Variants in FHIT observed in about 807,000 individuals in gnomAD.
FHIT encodes bis(5'-adenosyl)-triphosphatase.
In FHIT, 19 loss-of-function variants were observed where a neutral mutation model predicts 17.9. The ratio of observed to expected loss-of-function variants is 1.06; its 90% CI spans 0.74 to 1.56. The LOEUF (loss-of-function observed/expected upper bound fraction) is 1.56, where lower values mean the gene tolerates loss of function less well. Among genes scored for constraint, FHIT ranks in the 40% most tolerant of loss-of-function variants. FHIT has a pLI of 0.00. For synonymous variants in FHIT, 81 were observed against 69.7 expected (o/e 1.16, Z -0.81); for missense variants, 248 against 189.2 (o/e 1.31, Z -1.82).
chr3:61,205,711 G>C (rs199686488), intron 1 of FHIT, among the ~76,000 whole-genome samples: 4 of 152,160 alleles, frequency 2.6e-5, no homozygotes, highest in South Asian at 2.1e-4. Flanking sequence ...GTAGATTCGG[G>C]ATATTAGCCC....
At chr3:60,438,058 T>C (rs1043177040) in intron 5 of FHIT, among the ~76,000 whole-genome samples, 2 of 151,982 alleles carry the variant, frequency 1.3e-5, no homozygotes, top group African/African-American at 2.4e-5. Flanking sequence ...GCAGGATAAG[T>C]AGTCAAGGAA....
intron 3 of FHIT, among the ~76,000 whole-genome samples, chr3:60,878,638 C>T (rs1391418783): frequency 7.9e-5 from 12 of 152,140 alleles, no homozygotes; most frequent in African/African-American, 2.2e-4. Flanking sequence ...TATCCCTCCC[C>T]CTGCCCCCAC....
At chr3:61,223,065 A>C (rs1270558823) in intron 1 of FHIT, among the ~76,000 whole-genome samples, 2 of 152,210 alleles carry the variant, frequency 1.3e-5, no homozygotes, top group Non-Finnish European at 2.9e-5. Context: ...CCTTATCCAC[A>C]GGCCTATTGC....
chr3:60,613,432 C>T (rs184559782), intron 4 of FHIT, among the ~76,000 whole-genome samples: 2 of 152,170 alleles, frequency 1.3e-5, no homozygotes, highest in South Asian at 2.1e-4. Context: ...GAGTGGAGTC[C>T]AAAAGCACAA....
At chr3:60,701,506 T>C (rs2041247128) in intron 4 of FHIT, among the ~76,000 whole-genome samples, 1 of 151,904 alleles carries the variant, frequency 6.6e-6, no homozygotes, top group East Asian at 1.9e-4. Flanking sequence ...ATTGGTTGGG[T>C]GGGATATGAA....
intron 7 of FHIT, among the ~76,000 whole-genome samples, chr3:59,983,175 G>T (rs986764654): frequency 3.3e-5 from 5 of 152,066 alleles, no homozygotes; most frequent in Non-Finnish European, 5.9e-5. Flanking sequence ...CTGAGCTCAA[G>T]CAGTCGGCCC....
chr3:61,239,274 G>A (rs1040946225), intron 1 of FHIT, among the ~76,000 whole-genome samples: 3 of 152,166 alleles, frequency 2.0e-5, no homozygotes, highest in African/African-American at 7.2e-5. Context: ...GTATGGCCTG[G>A]GCCCTATCTA....
At chr3:60,301,117 G>C (rs941639660) in intron 5 of FHIT, among the ~76,000 whole-genome samples, 1 of 151,938 alleles carries the variant, frequency 6.6e-6, no homozygotes, top group African/African-American at 2.4e-5. Flanking sequence ...AACTGAAACG[G>C]TTTTCTCTTA....
At chr3:60,380,797 G>C (rs777587445) in intron 5 of FHIT, among the ~76,000 whole-genome samples, 2 of 152,138 alleles carry the variant, frequency 1.3e-5, no homozygotes, top group South Asian at 2.1e-4. Context: ...ATATTTCTTA[G>C]ACCATTTTAT....
intron 5 of FHIT, among the ~76,000 whole-genome samples, chr3:60,279,407 T>A (rs938116550): frequency 6.6e-6 from 1 of 152,128 alleles, no homozygotes; most frequent in African/African-American, 2.4e-5. Flanking sequence ...AAACATTGAA[T>A]CAATAATTAA....
chr3:60,231,465 A>G (rs936618375), intron 5 of FHIT, among the ~76,000 whole-genome samples: 2 of 152,200 alleles, frequency 1.3e-5, no homozygotes, highest in African/African-American at 4.8e-5. Context: ...AAGGGTAACC[A>G]ACAACCTGAC....
chr3:59,788,268 T>C (rs1166433295), intron 8 of FHIT, among the ~76,000 whole-genome samples: 2 of 152,170 alleles, frequency 1.3e-5, no homozygotes, highest in Admixed American at 6.5e-5. Context: ...CTGCAATCAT[T>C]TGAACATCCT....
intron 3 of FHIT, among the ~76,000 whole-genome samples, chr3:60,878,502 T>A (rs549171642): frequency 8.2e-4 from 125 of 152,236 alleles, no homozygotes; most frequent in Middle Eastern, 3.4e-3. Flanking sequence ...CCTTTTTTTT[T>A]AATTATACTT....
chr3:60,460,111 T>C (rs2032364797), intron 5 of FHIT, among the ~76,000 whole-genome samples: 1 of 151,942 alleles, frequency 6.6e-6, no homozygotes, highest in African/African-American at 2.4e-5. Flanking sequence ...TATTCACATA[T>C]CAAAAAATCT....
intron 3 of FHIT, among the ~76,000 whole-genome samples, chr3:60,877,100 G>A (rs1470913059): frequency 6.6e-6 from 1 of 152,178 alleles, no homozygotes; most frequent in Non-Finnish European, 1.5e-5. Flanking sequence ...CTGCCTACAG[G>A]CCACACAGCC....
intron 2 of FHIT, among the ~76,000 whole-genome samples, chr3:61,107,563 C>T (rs961087093): frequency 6.6e-6 from 1 of 152,158 alleles, no homozygotes; most frequent in Non-Finnish European, 1.5e-5. Context: ...AATGGCTGTA[C>T]TAATGTACAT....
chr3:60,472,385 T>C (rs955091021), intron 5 of FHIT, among the ~76,000 whole-genome samples: 1 of 151,610 alleles, frequency 6.6e-6, no homozygotes, highest in Admixed American at 6.6e-5. Flanking sequence ...TTTTTTTTTT[T>C]TGAGACGAAG....
intron 2 of FHIT, among the ~76,000 whole-genome samples, chr3:61,043,328 C>G (rs1457853484): frequency 6.6e-6 from 1 of 151,432 alleles, no homozygotes; most frequent in Non-Finnish European, 1.5e-5. Context: ...CTCGGAGGGT[C>G]CCACGCCTAG....
intron 4 of FHIT, among the ~76,000 whole-genome samples, chr3:60,727,909 C>A (rs1171241605): frequency 6.6e-6 from 1 of 152,192 alleles, no homozygotes; most frequent in East Asian, 1.9e-4. Context: ...GAGGCTGAGG[C>A]AGGAGAATGG....
Sources: allele counts gnomAD v4.1 joint callset (sites outside exome capture counted in the v4.1 genomes callset), GRCh38; gene constraint gnomAD v4.1.1; transcripts MANE v1.5; gene names NCBI Gene and HGNC (gene_info 2026-07-23, HGNC 2026-07-21).